The following CALR3 variants were observed in gnomAD, a reference collection of about 807,000 sequenced individuals.
The protein encoded by CALR3 is calreticulin-3.
Under a neutral mutation model 48.7 loss-of-function variants are expected in CALR3, and 39 were observed. The ratio of observed to expected loss-of-function variants is 0.80; its 90% confidence interval spans 0.62 to 1.05. The LOEUF (loss-of-function observed/expected upper bound fraction) is 1.05, where lower values mean the gene tolerates loss of function less well. CALR3 is among the 50% of genes least tolerant of loss of function. The pLI, the probability that CALR3 is intolerant of heterozygous loss-of-function variation, is 0.00. For synonymous variants in CALR3, 185 were observed against 172.7 expected (o/e 1.07, Z -0.56); for missense variants, 449 against 474.7 (o/e 0.95, Z 0.50).
intron 5 of CALR3, among the ~76,000 whole-genome samples, chr19:16,483,084 A>T (rs2093383624): frequency 6.6e-6 from 1 of 152,062 alleles, no homozygotes; most frequent in Admixed American, 6.6e-5. Flanking sequence ...GGTTCAAGCG[A>T]TCCTCCTGCC....
At chr19:16,489,473 G>C (rs1044568987) in intron 3 of CALR3, among the ~76,000 whole-genome samples, 1 of 152,124 alleles carries the variant, frequency 6.6e-6, no homozygotes, top group Non-Finnish European at 1.5e-5. Flanking sequence ...ACAAAAATTA[G>C]CTGGGCATGG....
At chr19:16,480,409 G>A (rs911357269) in intron 8 of CALR3, among the ~76,000 whole-genome samples, 1 of 151,604 alleles carries the variant, frequency 6.6e-6, no homozygotes, top group Non-Finnish European at 1.5e-5. Flanking sequence ...CAAATTAGCC[G>A]GACGTGGTGG....
Position 16,479,200 on chromosome 19 carries a change from C to T in CALR3, c.1086G>A (p.Glu362=). 1 of 1,614,106 alleles carries T rather than the reference C, an allele frequency of 6.2e-7. No individual in the cohort carries two copies. The highest frequency in any genetic ancestry group is 8.5e-7 in the Non-Finnish European group (1 of 1,180,034). The change falls in exon 9 of 9, where the codon GAG becomes GAA. Residue 362 remains glutamate, a synonymous_variant. Transcript: ENST00000269881. ...GCCTGTTAATTTTTCCCGACAGCAG[C>T]TCTTCCTCCTCTTCCTCGCGGGCCT... ...MKKAREEEEE[E]LLSGKINRHE... is the part of the protein sequence containing the mutation.
At chr19:16,483,876 T>G in intron 5 of CALR3, 54 bp downstream of exon 5, 1 of 1,565,054 alleles carries the variant, frequency 6.4e-7, no homozygotes, top group Non-Finnish European at 8.7e-7. Context: ...AGTAACTGGG[T>G]ACTTACAAAC....
At position 16,482,665 on chromosome 19, in the gene CALR3, A is replaced by T; in HGVS notation, c.786+13T>A. On this transcript the variant is annotated intron_variant, in intron 6 of 8. Coordinates refer to ENST00000269881, the MANE Select transcript of CALR3 (RefSeq NM_145046.5). ...CTGGGGCATCCCTGGCATCATACAAAGAGGCCACACACCTGGTACGGGGGC... is the reference window on the plus strand; with the variant it reads ...CTGGGGCATCCCTGGCATCATACAATGAGGCCACACACCTGGTACGGGGGC... 1 of 1,614,096 alleles carries T rather than the reference A, an allele frequency of 6.2e-7. No homozygotes were observed. The highest frequency in any genetic ancestry group is 8.5e-7 in the Non-Finnish European group (1 of 1,179,966).
intron 2 of CALR3, among the ~76,000 whole-genome samples, 193 bp from the exon 3 acceptor site, chr19:16,490,763 A>G (rs1434800539): frequency 2.7e-5 from 4 of 149,746 alleles, no homozygotes; most frequent in Non-Finnish European, 5.9e-5. Flanking sequence ...CTTCTATATA[A>G]TTTTTTTTTT....
At chr19:16,480,128 G>A (rs1460455281) in intron 8 of CALR3, among the ~76,000 whole-genome samples, 1 of 150,818 alleles carries the variant, frequency 6.6e-6, no homozygotes, top group Non-Finnish European at 1.5e-5. Context: ...GCTTGAACCG[G>A]GAGGTGGAGG....
At chr19:16,489,817 GAAACAAAAACAA>G (rs148825407) in intron 3 of CALR3, among the ~76,000 whole-genome samples, 94,068 of 149,174 alleles carry the variant, frequency 0.63, 30,355 homozygotes, top group South Asian at 0.75. Flanking sequence ...ACTCGGGCTC[GAAACAAAAACAA>G]AAACAAAAAC....
chr19:16,492,318 T>C (rs896376700), intron 2 of CALR3, among the ~76,000 whole-genome samples: 26 of 151,956 alleles, frequency 1.7e-4, no homozygotes, highest in Non-Finnish European at 3.7e-4. Context: ...TAGCCGAGCG[T>C]AGTGGCGCGT....
At position 16,482,851 on chromosome 19, in the gene CALR3, T is replaced by C. The variant is rs1186870383; in HGVS notation, c.679-66A>G. ...CTCATATATTTGTTGTTGTTGCTTC[T>C]GTTTTTGTTTCTTGAGACTAGGTTT... On this transcript the variant is annotated intron_variant, in intron 5 of 8. Coordinates refer to ENST00000269881, the MANE Select transcript of CALR3 (RefSeq NM_145046.5). 5 of 1,467,568 alleles carry C rather than the reference T, an allele frequency of 3.4e-6. No individual in the cohort carries two copies. The African/African-American group carries it at 7.0e-5, about 21-fold the overall frequency. The allele number at this position is 1,467,568 out of a possible 1,614,324, so 90.9% of individuals were successfully genotyped here.
rs2093376006 is a variant in CALR3, at chr19:16,479,066, G to A, written c.*65C>T. 6.3e-6 allele frequency: 10 copies of A among 1,594,594 alleles called. No homozygotes were observed. Among genetic ancestry groups the A allele is most frequent in the Middle Eastern group, 1.7e-4 (1 of 6,032 alleles). On this transcript the variant is annotated 3_prime_UTR_variant, in exon 9 of 9. Transcript: ENST00000269881. ...GACAAAGTGCCATGTAGACATTTGAGTTTGAAACATAGATTAAAGTAGCAA... is the reference window on the plus strand; with the variant it reads ...GACAAAGTGCCATGTAGACATTTGAATTTGAAACATAGATTAAAGTAGCAA...
chr19:16,496,007 C>T lies in CALR3; in HGVS notation c.91+32G>A, dbSNP rs1030005239. ...TAGGGGGCGGAGATGGGGGAGCTTA[C>T]ACCTCCGCCACCACGGGCGTGGCCC... On this transcript the variant is annotated intron_variant, in intron 1 of 8. Coordinates refer to ENST00000269881, the MANE Select transcript of CALR3 (RefSeq NM_145046.5). The T allele has an allele frequency of 4.5e-6, 7 of 1,572,682 alleles. No homozygotes were observed. In the African/African-American group the frequency reaches 9.5e-5, roughly 21 times the overall value.
At chr19:16,495,352 C>T (rs1318048091) in intron 2 of CALR3, among the ~76,000 whole-genome samples, 1 of 151,224 alleles carries the variant, frequency 6.6e-6, no homozygotes, top group East Asian at 1.9e-4. Context: ...ATCATGAGGT[C>T]AGGAGTTCGA....
Position 16,482,588 on chromosome 19 carries a change from C to T in CALR3, c.787-7G>A. ...CTTCTGGTTTCAGGCCATCCTGTAT[C>T]AAAAAAACCATATGGGGTGGTCTCA... On this transcript the variant is annotated splice_region_variant and splice_polypyrimidine_tract_variant and intron_variant, in intron 6 of 8. Transcript: ENST00000269881. The T allele has an allele frequency of 6.2e-7, 1 of 1,612,634 alleles. No individual in the cohort carries two copies.
chr19:16,483,940 T>C lies in CALR3; in HGVS notation c.668A>G (p.Asn223Ser). Reference sequence around the variant, plus strand: ...AGGAAAAATTCACACCTGGGCTTTGTTGTCTTTAGTCTGTTCCCAATCCTT... The same window carrying C: ...AGGAAAAATTCACACCTGGGCTTTGCTGTCTTTAGTCTGTTCCCAATCCTT... ...ESKDWEQTKD[N>S]KAQDWEKHFL... The change falls in exon 5 of 9, where the codon AAC becomes AGC. Residue 223 changes from asparagine to serine, a missense_variant. Asn to Ser is a conservative substitution (Grantham distance 46). Transcript: ENST00000269881. 6.2e-7 allele frequency: 1 copy of C among 1,614,040 alleles called. No individual in the cohort carries two copies. Among genetic ancestry groups the C allele is most frequent in the Non-Finnish European group, 8.5e-7 (1 of 1,179,980 alleles).
chr19:16,482,145 T>C (rs1051492153), intron 7 of CALR3, among the ~76,000 whole-genome samples: 7 of 150,440 alleles, frequency 4.7e-5, no homozygotes, highest in African/African-American at 1.5e-4. Context: ...CCTGACCTTG[T>C]GATCCACCCG....
At chr19:16,489,445 C>G (rs574694995) in intron 3 of CALR3, among the ~76,000 whole-genome samples, 3 of 152,080 alleles carry the variant, frequency 2.0e-5, no homozygotes, top group African/African-American at 7.2e-5. Context: ...ATGGAGAAAC[C>G]CCGTCTCTAC....
At chr19:16,492,757 G>A (rs141138786) in intron 2 of CALR3, among the ~76,000 whole-genome samples, 12 of 151,750 alleles carry the variant, frequency 7.9e-5, no homozygotes, top group East Asian at 7.7e-4. Flanking sequence ...CTGTAGTTCC[G>A]GCTACTCGGC....
rs1599724174 is a variant in CALR3 at position 16,496,083 on chromosome 19, A to C, written c.47T>G (p.Val16Gly). 1 of 1,607,486 alleles carries C rather than the reference A, an allele frequency of 6.2e-7. No individual in the cohort carries two copies. The highest frequency in any genetic ancestry group is 8.5e-7 in the Non-Finnish European group (1 of 1,177,124). Residue 16 changes from valine (V) to glycine (G), a missense_variant, in exon 1 of 9, where the codon GTG (valine) becomes GGG (glycine). Val to Gly is a moderately radical substitution (Grantham distance 109, BLOSUM62 -3). Transcript: ENST00000269881. ...VQLWAICMLR[V>G]ALATVYFQEE... ...TTGGAAATAGACGGTAGCCAGCGCC[A>C]CTCGCAGCATGCATATGGCCCAGAG...
Sources: gnomAD v4.1 joint callset for allele counts (sites outside exome capture counted in the v4.1 genomes callset) on GRCh38, gnomAD v4.1.1 for gene constraint, MANE v1.5 for transcripts, NCBI Gene and HGNC (gene_info 2026-07-23, HGNC 2026-07-21) for gene names.